The following LRRC4C variants were observed in gnomAD, a reference collection of about 807,000 sequenced individuals.
LRRC4C encodes leucine-rich repeat-containing protein 4C.
In LRRC4C, 5 loss-of-function variants were observed where a neutral mutation model predicts 33.6. The observed-to-expected ratio is 0.15, with a 90% CI of 0.08 to 0.31. The LOEUF is 0.31. LRRC4C is among the 10% of genes least tolerant of loss of function. The probability of loss-of-function intolerance (pLI) is 1.00; values close to 1 mark genes in which losing one functional copy is unlikely to be tolerated. For missense variants in LRRC4C, 560 were observed against 796.7 expected (o/e 0.70, Z 3.58); for synonymous variants, 329 against 302.0 (o/e 1.09, Z -0.93).
intron 1 of LRRC4C, among the ~76,000 whole-genome samples, chr11:40,984,389 AAGAAAGAAAG>A (rs1192576137): frequency 2.3e-5 from 2 of 85,650 alleles, no homozygotes; most frequent in Non-Finnish European, 5.9e-5. Flanking sequence ...GAAAGAAAGA[AAGAAAGAAAG>A]AAAGAAAGAA....
At chr11:41,310,799 T>C (rs980084253) in intron 1 of LRRC4C, among the ~76,000 whole-genome samples, 8 of 152,214 alleles carry the variant, frequency 5.3e-5, no homozygotes, top group Non-Finnish European at 1.5e-5. Context: ...CATGGACCTG[T>C]AATATTTTCC....
chr11:40,942,228 T>G (rs1487827059), intron 1 of LRRC4C, among the ~76,000 whole-genome samples: 1 of 152,134 alleles, frequency 6.6e-6, no homozygotes, highest in Admixed American at 6.6e-5. Flanking sequence ...CTAGCAGTCA[T>G]TGACTGGAAG....
intron 4 of LRRC4C, among the ~76,000 whole-genome samples, chr11:40,306,977 T>A (rs1016198870): frequency 8.1e-5 from 11 of 135,950 alleles, no homozygotes; most frequent in African/African-American, 3.0e-4. Context: ...AATTGGTATT[T>A]CAAGTTAGAT....
chr11:40,777,978 G>A (rs572043867), intron 2 of LRRC4C, among the ~76,000 whole-genome samples: 2 of 152,058 alleles, frequency 1.3e-5, no homozygotes, highest in Non-Finnish European at 2.9e-5. Flanking sequence ...ATGAGCCACC[G>A]CTCCCGGCCA....
intron 2 of LRRC4C, among the ~76,000 whole-genome samples, chr11:40,770,750 G>A (rs1216708801): frequency 6.6e-6 from 1 of 152,156 alleles, no homozygotes; most frequent in Non-Finnish European, 1.5e-5. Context: ...GGGGCTACAG[G>A]CCCCATGCAA....
At chr11:40,559,181 CT>C (rs71060968) in intron 3 of LRRC4C, among the ~76,000 whole-genome samples, 35,565 of 124,494 alleles carry the variant, frequency 0.29, 4,725 homozygotes, top group East Asian at 0.62. Flanking sequence ...TTGCATGCGT[CT>C]TTTTTTTTTT....
chr11:41,048,523 A>AGGAGG (rs1857966624), intron 1 of LRRC4C, among the ~76,000 whole-genome samples: 1 of 152,090 alleles, frequency 6.6e-6, no homozygotes, highest in African/African-American at 2.4e-5. Context: ...TCGGTCTCCC[A>AGGAGG]AAGTGCTGGG....
At chr11:40,479,429 C>T (rs1953424179) in intron 3 of LRRC4C, among the ~76,000 whole-genome samples, 1 of 152,112 alleles carries the variant, frequency 6.6e-6, no homozygotes, top group Non-Finnish European at 1.5e-5. Context: ...GAGAAGAGTG[C>T]CAATGTTAGA....
intron 1 of LRRC4C, among the ~76,000 whole-genome samples, chr11:41,343,670 A>T (rs1317004063): frequency 6.6e-6 from 1 of 152,254 alleles, no homozygotes; most frequent in East Asian, 1.9e-4. Context: ...GAATATTTAC[A>T]GTGCAGCTTG....
intron 3 of LRRC4C, among the ~76,000 whole-genome samples, chr11:40,635,183 T>C (rs1054426293): frequency 2.6e-5 from 4 of 152,190 alleles, no homozygotes; most frequent in African/African-American, 9.7e-5. Context: ...AGCCCTTTCT[T>C]ATGCTAGTTT....
intron 3 of LRRC4C, among the ~76,000 whole-genome samples, chr11:40,333,717 CAAAAAAAAAAAA>C (rs60450935): frequency 1.3e-5 from 1 of 78,506 alleles, no homozygotes; most frequent in African/African-American, 5.1e-5. Flanking sequence ...GACTTTGTCT[CAAAAAAAAAAAA>C]AAAAAAAAAA....
rs139108353 is a variant in LRRC4C at position 40,314,565 on chromosome 11, G to A, written c.-176+5063C>T. On this transcript the variant is annotated intron_variant, in intron 4 of 6. Coordinates refer to ENST00000528697, the MANE Select transcript of LRRC4C (RefSeq NM_001258419.2). ...TTACTGGGCATTTATCCAAAGGAGA[G>A]GAAATCAGCATAAGGAAGAGACATC... 3.0e-4 allele frequency among the ~76,000 whole-genome samples: 46 copies of A among 152,192 alleles called. No homozygotes were observed. The East Asian group carries it at 7.9e-3, about 26-fold the overall frequency.
chr11:40,426,066 T>G (rs192770187), intron 3 of LRRC4C, among the ~76,000 whole-genome samples: 2 of 148,730 alleles, frequency 1.3e-5, no homozygotes, highest in African/African-American at 2.5e-5. Context: ...CAGACTGGAG[T>G]GCAGTGGCGC....
intron 1 of LRRC4C, among the ~76,000 whole-genome samples, chr11:41,258,604 T>C (rs912198233): frequency 2.0e-4 from 30 of 151,972 alleles, no homozygotes; most frequent in African/African-American, 6.5e-4. Flanking sequence ...GCTAAATATA[T>C]ATAAATATTG....
At chr11:40,907,632 C>G (rs1441866242) in intron 2 of LRRC4C, among the ~76,000 whole-genome samples, 1 of 152,192 alleles carries the variant, frequency 6.6e-6, no homozygotes, top group Non-Finnish European at 1.5e-5. Context: ...CACCTTGAAA[C>G]TGTGTAGCCT....
chr11:41,356,336 C>T (rs916586907), intron 1 of LRRC4C, among the ~76,000 whole-genome samples: 1 of 151,942 alleles, frequency 6.6e-6, no homozygotes, highest in East Asian at 1.9e-4. Flanking sequence ...GTAAAAATTA[C>T]AAAAAAAGTC....
chr11:41,310,490 A>G (rs1269372589), intron 1 of LRRC4C, among the ~76,000 whole-genome samples: 1 of 152,212 alleles, frequency 6.6e-6, no homozygotes, highest in Non-Finnish European at 1.5e-5. Flanking sequence ...TAATTTCTGA[A>G]CAAGTTCTTT....
Position 41,249,036 on chromosome 11 carries a change from C to CTTTTTT in LRRC4C, c.-496+210394_-496+210395insAAAAAA, listed in dbSNP as rs554360740. Among the ~76,000 whole-genome samples, 5 of 148,984 alleles carry CTTTTTT rather than the reference C, an allele frequency of 3.4e-5. 1 individual carries two copies. Among genetic ancestry groups the CTTTTTT allele is most frequent in the Non-Finnish European group, 3.0e-5 (2 of 67,266 alleles). On this transcript the variant is annotated intron_variant, in intron 1 of 6. Coordinates refer to ENST00000528697, the MANE Select transcript of LRRC4C (RefSeq NM_001258419.2). ...TTATCTCCCTGGTTTAAGATACTGT[C>CTTTTTT]TTCTTTTTTTTTTTTTGAGATGGAG...
intron 1 of LRRC4C, among the ~76,000 whole-genome samples, chr11:41,242,400 G>A (rs1332689572): frequency 1.3e-5 from 2 of 152,044 alleles, no homozygotes; most frequent in Non-Finnish European, 2.9e-5. Flanking sequence ...TTGTGCTACA[G>A]GCATGCAGTG....
Sources: allele counts gnomAD v4.1 joint callset (sites outside exome capture counted in the v4.1 genomes callset), GRCh38; gene constraint gnomAD v4.1.1; transcripts MANE v1.5; gene names NCBI Gene and HGNC (gene_info 2026-07-23, HGNC 2026-07-21).